Variants in PIK3C3 observed in about 807,000 individuals in gnomAD.
PIK3C3 encodes the protein PI3-kinase type 3.
A neutral mutation model predicts 126.1 loss-of-function variants in PIK3C3; 95 were observed. The observed-to-expected ratio is 0.75, with a 90% CI of 0.64 to 0.89. The LOEUF (loss-of-function observed/expected upper bound fraction) is 0.89, where lower values mean the gene tolerates loss of function less well. Among genes scored for constraint, PIK3C3 ranks in the 40% least tolerant of loss-of-function variants. The pLI, the probability that PIK3C3 is intolerant of heterozygous loss-of-function variation, is 0.00. For missense variants in PIK3C3, 829 were observed against 1,063.2 expected (o/e 0.78, Z 3.06); for synonymous variants, 374 against 360.0 (o/e 1.04, Z -0.44).
chr18:41,957,112 T>A (rs1217129168), intron 1 of PIK3C3, among the ~76,000 whole-genome samples: 4 of 152,238 alleles, frequency 2.6e-5, no homozygotes, highest in Non-Finnish European at 5.9e-5. Flanking sequence ...ACTTAATATT[T>A]TATTGTAATA....
At chr18:41,956,663 A>G (rs1979793339) in intron 1 of PIK3C3, among the ~76,000 whole-genome samples, 1 of 147,402 alleles carries the variant, frequency 6.8e-6, no homozygotes, top group South Asian at 2.1e-4. Context: ...ATCATTTCAG[A>G]CATCTATCTG....
rs57601171 is a variant in PIK3C3, at chr18:41,956,548, C to CTTTTTTTTTT, written c.69-1009_69-1000dup. On this transcript the variant is annotated intron_variant, in intron 1 of 24. Coordinates refer to ENST00000262039, the MANE Select transcript of PIK3C3 (RefSeq NM_002647.4). ...AAGAAAAAGCCAAAAAAACCGGTCCCTTTTTTTTTTTTTTTTTTTTTTGGA... is the reference window on the plus strand; with the variant it reads ...AAGAAAAAGCCAAAAAAACCGGTCCCTTTTTTTTTTTTTTTTTTTTTTTTTTTTTTTTGGA... Among the ~76,000 whole-genome samples, 19 of 100,250 alleles carry CTTTTTTTTTT rather than the reference C, an allele frequency of 1.9e-4. 1 individual carries two copies. Among genetic ancestry groups the CTTTTTTTTTT allele is most frequent in the African/African-American group, 7.1e-4 (17 of 23,968 alleles). 65.8% of individuals were successfully genotyped at this position (100,250 alleles called of 152,430 possible).
At chr18:42,057,656 A>G (rs1985131368) in intron 21 of PIK3C3, 1 of 462,008 alleles carries the variant, frequency 2.2e-6, no homozygotes. Flanking sequence ...TTACTGTGAC[A>G]TGATTTTAGG....
At chr18:41,994,446 A>C (rs1015528106) in intron 7 of PIK3C3, among the ~76,000 whole-genome samples, 1 of 152,158 alleles carries the variant, frequency 6.6e-6, no homozygotes, top group Non-Finnish European at 1.5e-5. Flanking sequence ...TTTAAATGTA[A>C]ACTTTGGGTG....
At chr18:42,068,679 G>A (rs770449363) in intron 24 of PIK3C3, among the ~76,000 whole-genome samples, 9 of 151,946 alleles carry the variant, frequency 5.9e-5, no homozygotes, top group East Asian at 1.9e-4. Flanking sequence ...GGCCAGGCGC[G>A]GTGGCTCACG....
chr18:41,987,932 T>G lies in PIK3C3; in HGVS notation c.618+34T>G, dbSNP rs751799400. 3.2e-6 allele frequency: 4 copies of G among 1,263,760 alleles called. No individual in the cohort carries two copies. The African/African-American group carries it at 6.1e-5, about 19-fold the overall frequency. The allele number at this position is 1,263,760 out of a possible 1,614,324, so 78.3% of individuals were successfully genotyped here. ...TATCACTCTTTTATTTTAAAATATT[T>G]TCTGTAAATTTTTAAATTAACAATT... On this transcript the variant is annotated intron_variant, in intron 5 of 24. Coordinates refer to ENST00000262039, the MANE Select transcript of PIK3C3 (RefSeq NM_002647.4).
chr18:41,987,616 A>T lies in PIK3C3; in HGVS notation c.532-196A>T, dbSNP rs545316161. ...AATATGGCAAATTATGGACCTTTTT[A>T]AAAAAAATTTAATTGTTTTTCTTTA... On this transcript the variant is annotated intron_variant, in intron 4 of 24. Coordinates refer to ENST00000262039, the MANE Select transcript of PIK3C3 (RefSeq NM_002647.4). Among the ~76,000 whole-genome samples, 12 of 151,944 alleles carry T rather than the reference A, an allele frequency of 7.9e-5. No individual in the cohort carries two copies. The South Asian group carries it at 1.2e-3, about 16-fold the overall frequency.
Position 41,962,587 on chromosome 18 carries a change from C to T in PIK3C3, c.356C>T (p.Ala119Val). 1 of 1,613,324 alleles carries T rather than the reference C, an allele frequency of 6.2e-7. No individual in the cohort carries two copies. Among genetic ancestry groups the T allele is most frequent in the Non-Finnish European group, 8.5e-7 (1 of 1,179,478 alleles). Residue 119 changes from alanine (A) to valine (V), a missense_variant, in exon 3 of 25, where the codon GCA becomes GTA. By Grantham distance (64) the Ala-to-Val change is moderately conservative (BLOSUM62 0). Transcript: ENST00000262039. Reference protein sequence around the residue: ...TIWDVYGPGKAVPVGGTTVSL... With the variant: ...TIWDVYGPGKVVPVGGTTVSL... ...TGGGATGTGTATGGTCCCGGAAAAGCAGTGCCTGTAGGAGGAACAACGGTT... is the reference window on the plus strand; with the variant it reads ...TGGGATGTGTATGGTCCCGGAAAAGTAGTGCCTGTAGGAGGAACAACGGTT...
chr18:42,067,450 G>A lies in PIK3C3; in HGVS notation c.2586G>A (p.Leu862=), dbSNP rs115685722. The A allele has an allele frequency of 3.4e-4, 549 of 1,614,098 alleles. 1 individual carries two copies. In the African/African-American group the frequency reaches 6.7e-3, roughly 20 times the overall value. The part of the protein sequence containing the change: ...DEEAVHYMQS[L]IDESVHALFA... ...AGGCTGTGCATTACATGCAGAGTCT[G>A]ATTGATGAGAGTGTCCATGCTCTTT... The change falls in exon 24 of 25, where the codon CTG becomes CTA. Residue 862 remains leucine (L), a synonymous_variant. Coordinates refer to ENST00000262039, the MANE Select transcript of PIK3C3 (RefSeq NM_002647.4).
At chr18:42,064,879 A>T in intron 23 of PIK3C3, 49 bp downstream of exon 23, 1 of 973,174 alleles carries the variant, frequency 1.0e-6, no homozygotes, top group Non-Finnish European at 1.6e-6. Context: ...TAATTTTTCC[A>T]TATTCCAGAA....
chr18:41,963,406 T>C (rs568548613), intron 3 of PIK3C3, among the ~76,000 whole-genome samples: 1 of 152,360 alleles, frequency 6.6e-6, no homozygotes, highest in Non-Finnish European at 1.5e-5. Flanking sequence ...TCCATTGCTG[T>C]CTTTACTCTT....
intron 14 of PIK3C3, 49 bp from the exon 15 acceptor site, chr18:42,029,276 G>T: frequency 9.2e-7 from 1 of 1,092,138 alleles, no homozygotes; most frequent in Non-Finnish European, 1.4e-6. Context: ...AAGAAATCCA[G>T]ATCATTACGC....
chr18:41,995,665 T>A (rs1392452156), intron 7 of PIK3C3, among the ~76,000 whole-genome samples: 1 of 152,170 alleles, frequency 6.6e-6, no homozygotes, highest in Non-Finnish European at 1.5e-5. Flanking sequence ...TAAGAAGCTG[T>A]AATGACGTGT....
intron 23 of PIK3C3, among the ~76,000 whole-genome samples, chr18:42,066,761 A>G (rs1985558549): frequency 6.6e-6 from 1 of 152,162 alleles, no homozygotes; most frequent in Admixed American, 6.6e-5. Context: ...AATGCTACTG[A>G]AAATCAAGTG....
At chr18:41,997,761 T>G (rs1201484130) in intron 9 of PIK3C3, among the ~76,000 whole-genome samples, 1 of 152,166 alleles carries the variant, frequency 6.6e-6, no homozygotes, top group African/African-American at 2.4e-5. Context: ...TTAGGGGACC[T>G]GTGCAGACTC....
intron 24 of PIK3C3, among the ~76,000 whole-genome samples, chr18:42,073,068 A>G (rs1985843011): frequency 6.6e-6 from 1 of 152,352 alleles, no homozygotes; most frequent in Non-Finnish European, 1.5e-5. Context: ...AATCTAATTA[A>G]TTAAATCTTG....
intron 22 of PIK3C3, among the ~76,000 whole-genome samples, chr18:42,060,534 G>T (rs1467136488): frequency 6.6e-6 from 1 of 152,168 alleles, no homozygotes; most frequent in African/African-American, 2.4e-5. Context: ...ACTCTGGGAG[G>T]CTGAGGTGGG....
chr18:41,967,383 C>T (rs986603481), intron 3 of PIK3C3, among the ~76,000 whole-genome samples: 5 of 152,258 alleles, frequency 3.3e-5, no homozygotes, highest in Non-Finnish European at 5.9e-5. Flanking sequence ...CTTAGGGAAA[C>T]GCTGCCTTTA....
At chr18:41,979,803 A>G (rs1372429170) in intron 4 of PIK3C3, among the ~76,000 whole-genome samples, 1 of 151,824 alleles carries the variant, frequency 6.6e-6, no homozygotes, top group East Asian at 1.9e-4. Flanking sequence ...CTGTTTCTGT[A>G]TTCCTGGGTA....
Sources: allele counts gnomAD v4.1 joint callset (sites outside exome capture counted in the v4.1 genomes callset), GRCh38; gene constraint gnomAD v4.1.1; transcripts MANE v1.5; gene names NCBI Gene and HGNC (gene_info 2026-07-23, HGNC 2026-07-21).